The following NEGR1 variants were observed in gnomAD, a reference collection of about 807,000 sequenced individuals.
The protein encoded by NEGR1 is IgLON family member 4.
In NEGR1, 10 loss-of-function variants were observed where a neutral mutation model predicts 40.9. The ratio of observed to expected loss-of-function variants is 0.24; its 90% CI spans 0.15 to 0.42. NEGR1 has a LOEUF of 0.42. NEGR1 is among the 10% of genes least tolerant of loss of function. The pLI is 1.00. For missense variants in NEGR1, 352 were observed against 438.9 expected, an observed-to-expected ratio of 0.80 and a Z score of 1.77; for synonymous variants, 185 against 166.8, an observed-to-expected ratio of 1.11 and a Z score of -0.84.
At chr1:71,478,835 T>G (rs1646837438) in intron 6 of NEGR1, among the ~76,000 whole-genome samples, 1 of 151,788 alleles carries the variant, frequency 6.6e-6, no homozygotes, top group Non-Finnish European at 1.5e-5. Context: ...GTGCCTGAGA[T>G]GAAGCTGATA....
chr1:71,970,617 C>T (rs1198288142), intron 1 of NEGR1, among the ~76,000 whole-genome samples: 2 of 152,132 alleles, frequency 1.3e-5, no homozygotes, highest in Admixed American at 6.5e-5. Flanking sequence ...ATCACTTGAA[C>T]CTGGAGGTTT....
intron 1 of NEGR1, among the ~76,000 whole-genome samples, chr1:71,967,525 A>T (rs1646219963): frequency 6.6e-6 from 1 of 152,220 alleles, no homozygotes; most frequent in Non-Finnish European, 1.5e-5. Context: ...ACATTGAGTA[A>T]CTAGAGACAT....
chr1:71,753,222 G>A (rs1655627734), intron 3 of NEGR1, among the ~76,000 whole-genome samples: 1 of 152,104 alleles, frequency 6.6e-6, no homozygotes, highest in African/African-American at 2.4e-5. Context: ...CAAAGATACT[G>A]TTGATATCAT....
intron 1 of NEGR1, among the ~76,000 whole-genome samples, chr1:72,249,875 A>AT (rs1451232574): frequency 1.4e-4 from 22 of 152,124 alleles, no homozygotes; most frequent in African/African-American, 5.3e-4. Context: ...CACATGACTC[A>AT]TTTTTGTTAC....
Position 72,143,895 on chromosome 1 carries a change from T to TTA in NEGR1, c.176+138422_176+138423dup, listed in dbSNP as rs531659289. On this transcript the variant is annotated intron_variant, in intron 1 of 6. Coordinates refer to ENST00000357731, the MANE Select transcript of NEGR1 (RefSeq NM_173808.3). ...TATATCATATATTCATATATATATA[T>TTA]TATATATATGATATATATAATATAT... 9.0e-3 allele frequency among the ~76,000 whole-genome samples: 866 copies of TTA among 95,814 alleles called. 23 individuals carry two copies. Among genetic ancestry groups the TTA allele is most frequent in the East Asian group, 0.069 (263 of 3,800 alleles). 62.9% of individuals were successfully genotyped at this position (95,814 alleles called of 152,430 possible).
intron 6 of NEGR1, among the ~76,000 whole-genome samples, chr1:71,441,521 G>T (rs947072371): frequency 7.9e-5 from 12 of 152,112 alleles, no homozygotes; most frequent in Non-Finnish European, 1.6e-4. Flanking sequence ...TAATGAGGCT[G>T]GATGATGAGT....
At chr1:71,580,164 G>A (rs1436780976) in intron 6 of NEGR1, among the ~76,000 whole-genome samples, 1 of 151,946 alleles carries the variant, frequency 6.6e-6, no homozygotes, top group East Asian at 1.9e-4. Flanking sequence ...GTAGGGACAT[G>A]GATGAAATTG....
chr1:72,274,430 A>G (rs979608773), intron 1 of NEGR1: 1 of 514,232 alleles, frequency 1.9e-6, no homozygotes, highest in African/African-American at 1.9e-5. Flanking sequence ...AAGAGGACAG[A>G]TGGCACACAA....
At chr1:72,173,398 T>C (rs960468626) in intron 1 of NEGR1, among the ~76,000 whole-genome samples, 3 of 150,554 alleles carry the variant, frequency 2.0e-5, no homozygotes, top group Admixed American at 6.7e-5. Flanking sequence ...GGGATTAAAT[T>C]TATTTTAATG....
At chr1:71,493,950 A>G (rs573453208) in intron 6 of NEGR1, among the ~76,000 whole-genome samples, 24 of 152,200 alleles carry the variant, frequency 1.6e-4, no homozygotes, top group East Asian at 3.9e-4. Context: ...CACATTTCCA[A>G]TTCTTTCCTT....
In NEGR1 at chr1:72,143,914, A is replaced by ATATATATC. The variant is rs1491498187; in HGVS notation, c.176+138404_176+138405insGATATATA. On this transcript the variant is annotated intron_variant, in intron 1 of 6. Transcript: ENST00000357731. The stretch of plus-strand genomic sequence containing the variant: ...TATATATTATATATATGATATATAT[A>ATATATATC]ATATATATATATATATATATATATA... Among the ~76,000 whole-genome samples the ATATATATC allele has an allele frequency of 2.8e-4, 37 of 130,602 alleles. 1 individual carries two copies. In the South Asian group the frequency reaches 8.6e-3, roughly 30 times the overall value. The allele number at this position is 130,602 out of a possible 152,430, so 85.7% of individuals were successfully genotyped here. A position where few individuals can be genotyped will look rare whatever the true frequency, so the allele number is the denominator to read the frequency against.
intron 1 of NEGR1, among the ~76,000 whole-genome samples, chr1:72,094,115 T>C (rs1648605977): frequency 6.6e-6 from 1 of 152,180 alleles, no homozygotes; most frequent in Admixed American, 6.6e-5. Context: ...TAGTTTATAA[T>C]AGTATGTGTT....
rs1446529920 is a variant in NEGR1 at position 71,401,824 on chromosome 1, C to T, written c.*5622G>A. 2 of 152,180 alleles carry T rather than the reference C, an allele frequency of 1.3e-5. No individual in the cohort carries two copies. Among genetic ancestry groups the T allele is most frequent in the Admixed American group, 1.3e-4 (2 of 15,274 alleles). 9.4% of individuals were successfully genotyped at this position (152,180 alleles called of 1,614,324 possible). ...CATGCGATTATGACAAGATTCTCCA[C>T]TTGGTGTGACCAGTCTCATACAACC... On this transcript the variant is annotated 3_prime_UTR_variant, in exon 7 of 7. Transcript: ENST00000357731.
At chr1:71,761,420 C>T (rs574001215) in intron 3 of NEGR1, among the ~76,000 whole-genome samples, 21 of 152,246 alleles carry the variant, frequency 1.4e-4, no homozygotes, top group Admixed American at 8.5e-4. Context: ...TTGTTTACTC[C>T]GTTTATCCTG....
At chr1:72,246,491 C>T (rs1654907228) in intron 1 of NEGR1, among the ~76,000 whole-genome samples, 1 of 152,146 alleles carries the variant, frequency 6.6e-6, no homozygotes, top group Admixed American at 6.5e-5. Flanking sequence ...TAAAGATAGC[C>T]CATTTAAAAA....
chr1:71,513,559 T>C (rs1334406138), intron 6 of NEGR1, among the ~76,000 whole-genome samples: 1 of 152,212 alleles, frequency 6.6e-6, no homozygotes, highest in Non-Finnish European at 1.5e-5. Flanking sequence ...ATCTGATGTC[T>C]ATGTTTATGA....
At chr1:72,020,979 G>A (rs1251828719) in intron 1 of NEGR1, among the ~76,000 whole-genome samples, 1 of 152,098 alleles carries the variant, frequency 6.6e-6, no homozygotes, top group Non-Finnish European at 1.5e-5. Context: ...TCATAATTGA[G>A]CTGTGTTACT....
At chr1:71,817,093 G>A (rs982154033) in intron 2 of NEGR1, among the ~76,000 whole-genome samples, 6 of 151,942 alleles carry the variant, frequency 3.9e-5, no homozygotes, top group Admixed American at 6.6e-5. Context: ...TCAGGTTTCC[G>A]TCTCTAACAT....
intron 6 of NEGR1, among the ~76,000 whole-genome samples, chr1:71,451,526 G>C (rs1430259796): frequency 6.6e-6 from 1 of 151,970 alleles, no homozygotes; most frequent in African/African-American, 2.4e-5. Flanking sequence ...AGTAGAGACA[G>C]GGTTTCACCA....
Sources: gnomAD v4.1 joint callset for allele counts (sites outside exome capture counted in the v4.1 genomes callset) on GRCh38, gnomAD v4.1.1 for gene constraint, MANE v1.5 for transcripts, NCBI Gene and HGNC (gene_info 2026-07-23, HGNC 2026-07-21) for gene names.